Variants in ERP27 observed in about 807,000 individuals in gnomAD.
The protein encoded by ERP27 is endoplasmic reticulum resident protein 27.
In ERP27, 23 loss-of-function variants were observed where a neutral mutation model predicts 27.7. The observed-to-expected ratio is 0.83, with a 90% confidence interval of 0.60 to 1.18. The LOEUF (loss-of-function observed/expected upper bound fraction) is 1.18. ERP27 is among the 50% of genes most tolerant of loss of function. The pLI, the probability that ERP27 is intolerant of heterozygous loss-of-function variation, is 0.00. For missense variants in ERP27, 363 were observed against 327.9 expected (o/e 1.11, Z -0.83); for synonymous variants, 159 against 118.3 (o/e 1.34, Z -2.23).
chr12:14,925,796 G>A (rs142425419), intron 3 of ERP27, among the ~76,000 whole-genome samples: 53 of 151,808 alleles, frequency 3.5e-4, no homozygotes, highest in East Asian at 9.7e-4. Flanking sequence ...GGGGCCTGGC[G>A]CAGTGGCTCA....
At chr12:14,915,361 T>C (rs986447058) in intron 6 of ERP27, 128 bp downstream of exon 6, 16 of 835,496 alleles carry the variant, frequency 1.9e-5, no homozygotes, top group Non-Finnish European at 3.0e-5. Flanking sequence ...CCTATCTATC[T>C]GCACTTGGTA....
rs1404601045 is a variant in ERP27 at position 14,914,571 on chromosome 12, T to TGCGCGTGC, written c.*163_*164insGCACGCGC. On this transcript the variant is annotated 3_prime_UTR_variant, in exon 7 of 7. Transcript: ENST00000266397. ...GGAAATGAAGCTCTGTGTGTGTGTG[T>TGCGCGTGC]GTGTGTGCGTGTGTGTGTGCACGCG... 5.5e-6 allele frequency: 3 copies of TGCGCGTGC among 543,336 alleles called. No individual in the cohort carries two copies. In the African/African-American group the frequency reaches 8.4e-5, roughly 15 times the overall value. 33.7% of individuals were successfully genotyped at this position (543,336 alleles called of 1,614,324 possible).
chr12:14,936,836 T>C (rs1863780650), intron 2 of ERP27, among the ~76,000 whole-genome samples: 1 of 152,172 alleles, frequency 6.6e-6, no homozygotes, highest in Non-Finnish European at 1.5e-5. Flanking sequence ...GTGATTCAAT[T>C]AAAACTCTTT....
rs1266432873 is a variant in ERP27 at position 14,915,705 on chromosome 12, G to C, written c.577-19C>G. 1 of 1,607,944 alleles carries C rather than the reference G, an allele frequency of 6.2e-7. No individual in the cohort carries two copies. On this transcript the variant is annotated intron_variant, in intron 5 of 6. Coordinates refer to ENST00000266397, the MANE Select transcript of ERP27 (RefSeq NM_152321.4). Reference sequence around the variant, plus strand: ...AGAGAATCTGCAGTTGGGGAAGTTTGAAAGAAAAAGTTCTATCTGAGGTGA... The same window carrying C: ...AGAGAATCTGCAGTTGGGGAAGTTTCAAAGAAAAAGTTCTATCTGAGGTGA...
chr12:14,917,699 A>G (rs143112123), intron 4 of ERP27, among the ~76,000 whole-genome samples: 1 of 152,326 alleles, frequency 6.6e-6, no homozygotes, highest in East Asian at 1.9e-4. Flanking sequence ...TCCTTCTACT[A>G]ACAGCCAGCA....
At chr12:14,927,886 C>A (rs1243736792) in intron 3 of ERP27, among the ~76,000 whole-genome samples, 6 of 152,130 alleles carry the variant, frequency 3.9e-5, no homozygotes, top group African/African-American at 1.2e-4. Context: ...TCAGAACAAG[C>A]TTTCCACCAC....
Position 14,914,577 on chromosome 12 carries a change from T to TGTGTGC in ERP27, c.*157_*158insGCACAC, listed in dbSNP as rs1555097430. 0.16 allele frequency: 87,292 copies of TGTGTGC among 539,864 alleles called. 5,957 individuals are homozygous for TGTGTGC. The highest frequency in any genetic ancestry group is 0.27 in the South Asian group (10,923 of 39,900). The allele number at this position is 539,864 out of a possible 1,614,324, so 33.4% of individuals were successfully genotyped here. ...GAAGCTCTGTGTGTGTGTGTGTGTG[T>TGTGTGC]GCGTGTGTGTGTGCACGCGTGCGTG... On this transcript the variant is annotated 3_prime_UTR_variant, in exon 7 of 7. Coordinates refer to ENST00000266397, the MANE Select transcript of ERP27 (RefSeq NM_152321.4).
chr12:14,915,555 G>C lies in ERP27; in HGVS notation c.708C>G (p.Pro236=). 1 of 1,614,188 alleles carries C rather than the reference G, an allele frequency of 6.2e-7. No individual in the cohort carries two copies. Among genetic ancestry groups the C allele is most frequent in the Non-Finnish European group, 8.5e-7 (1 of 1,180,020 alleles). ...QTLDDEWDTL[P]TAEVSVEHVQ... is the part of the protein sequence containing the mutation. Reference sequence around the variant, plus strand: ...CATGCTCTACGGAAACTTCTGCTGTGGGCAGTGTATCCCACTCGTCATCTA... The same window carrying C: ...CATGCTCTACGGAAACTTCTGCTGTCGGCAGTGTATCCCACTCGTCATCTA... Residue 236 remains proline, a synonymous_variant, in exon 6 of 7, where the codon CCC becomes CCG. Coordinates refer to ENST00000266397, the MANE Select transcript of ERP27 (RefSeq NM_152321.4).
intron 3 of ERP27, among the ~76,000 whole-genome samples, chr12:14,934,257 T>G (rs190017567): frequency 1.1e-4 from 17 of 152,050 alleles, no homozygotes; most frequent in African/African-American, 3.9e-4. Flanking sequence ...TTTTCTTTTC[T>G]TTTTTTTCAG....
intron 3 of ERP27, 95 bp downstream of exon 3, chr12:14,934,761 G>A: frequency 6.8e-7 from 1 of 1,475,136 alleles, no homozygotes; most frequent in Non-Finnish European, 9.3e-7. Flanking sequence ...CATCATTAGT[G>A]TAAAAGACAT....
chr12:14,931,363 C>A (rs1196187849), intron 3 of ERP27, among the ~76,000 whole-genome samples: 1,547 of 128,964 alleles, frequency 0.012, no homozygotes, highest in Middle Eastern at 0.02. Context: ...GTTCCCTTTT[C>A]AAAAAAAAAA....
Position 14,934,890 on chromosome 12 carries a change from T to A in ERP27, c.299A>T (p.Asn100Ile), listed in dbSNP as rs1358272005. Residue 100 changes from asparagine to isoleucine, a missense_variant, in exon 3 of 7, where the codon AAC becomes ATC. Physicochemically the swap from Asn to Ile is moderately radical, Grantham distance 149. Coordinates refer to ENST00000266397, the MANE Select transcript of ERP27 (RefSeq NM_152321.4). The stretch of plus-strand genomic sequence containing the variant: ...GAGGCAGATGGTGTTCCCAGTGATG[T>A]TGTAGTGTGTCAGAACCTCAGAATC... ...STDSEVLTHY[N>I]ITGNTICLFR... 1.2e-6 allele frequency: 2 copies of A among 1,614,036 alleles called. No homozygotes were observed. Among genetic ancestry groups the A allele is most frequent in the South Asian group, 1.1e-5 (1 of 91,070 alleles).
At chr12:14,923,848 A>G (rs780276170) in intron 3 of ERP27, among the ~76,000 whole-genome samples, 6 of 152,178 alleles carry the variant, frequency 3.9e-5, no homozygotes, top group Non-Finnish European at 7.3e-5. Context: ...ATTCTTTGTG[A>G]TGAGAACATT....
intron 3 of ERP27, among the ~76,000 whole-genome samples, chr12:14,925,472 T>C (rs1863586033): frequency 6.6e-6 from 1 of 152,198 alleles, no homozygotes; most frequent in East Asian, 1.9e-4. Flanking sequence ...ATAAATTTGA[T>C]ATGTAGAATT....
chr12:14,935,836 A>C (rs1264840982), intron 2 of ERP27, among the ~76,000 whole-genome samples: 3 of 152,230 alleles, frequency 2.0e-5, no homozygotes, highest in Non-Finnish European at 1.5e-5. Context: ...CTTGTGCCAC[A>C]GCCTCCTGAG....
intron 3 of ERP27, among the ~76,000 whole-genome samples, chr12:14,925,543 A>C (rs1474203254): frequency 2.0e-5 from 3 of 152,056 alleles, no homozygotes; most frequent in African/African-American, 7.2e-5. Context: ...CTAAACTATT[A>C]GTTATTTAGA....
At chr12:14,917,626 A>G (rs915607045) in intron 4 of ERP27, among the ~76,000 whole-genome samples, 6 of 152,224 alleles carry the variant, frequency 3.9e-5, no homozygotes, top group African/African-American at 1.4e-4. Flanking sequence ...TCTGAGGAAT[A>G]CCAGCCCCAG....
chr12:14,938,416 T>C lies in ERP27; in HGVS notation c.93A>G (p.Ser31=). The C allele has an allele frequency of 6.2e-7, 1 of 1,614,146 alleles. No homozygotes were observed. The highest frequency in any genetic ancestry group is 8.5e-7 in the Non-Finnish European group (1 of 1,179,978). Residue 31 remains serine, a splice_region_variant and synonymous_variant, in exon 1 of 7, where the codon TCA becomes TCG. Transcript: ENST00000266397. ...AEVAAEVEKS[S]DGPGAAQEPT... ...CACCCAACTACATTTTTCTTTTACC[T>C]GAGGATTTCTCAACTTCTGCAGCAA...
At chr12:14,919,120 A>G (rs1245399708) in intron 4 of ERP27, among the ~76,000 whole-genome samples, 2 of 152,182 alleles carry the variant, frequency 1.3e-5, no homozygotes, top group Admixed American at 1.3e-4. Context: ...CCCAGTTGCT[A>G]CTGGTGCAAA....
Sources: gnomAD v4.1 joint callset for allele counts (sites outside exome capture counted in the v4.1 genomes callset) on GRCh38, gnomAD v4.1.1 for gene constraint, MANE v1.5 for transcripts, NCBI Gene and HGNC (gene_info 2026-07-23, HGNC 2026-07-21) for gene names.